RERE: variants seen among roughly 807,000 people sequenced by gnomAD.
RERE encodes the protein arginine-glutamic acid dipeptide repeats protein.
A neutral mutation model predicts 146.1 loss-of-function variants in RERE; 40 were observed. That is an observed-to-expected ratio of 0.27 (90% confidence interval 0.21 to 0.36). The LOEUF (loss-of-function observed/expected upper bound fraction) is 0.36. RERE is among the 10% of genes least tolerant of loss of function. The probability of loss-of-function intolerance (pLI) is 1.00; values close to 1 mark genes in which losing one functional copy is unlikely to be tolerated. For missense variants in RERE, 1,933 were observed against 2,138.7 expected (o/e 0.90, Z 1.90); for synonymous variants, 1,003 against 866.0 (o/e 1.16, Z -2.78).
At chr1:8,609,289 G>C (rs1646761636) in intron 4 of RERE, among the ~76,000 whole-genome samples, 1 of 152,092 alleles carries the variant, frequency 6.6e-6, no homozygotes, top group African/African-American at 2.4e-5. Flanking sequence ...CAGGTGAAAG[G>C]AACAGAGCTG....
chr1:8,508,535 C>A, intron 8 of RERE, 92 bp downstream of exon 8: 1 of 999,208 alleles, frequency 1.0e-6, no homozygotes, highest in Non-Finnish European at 1.6e-6. Context: ...ATAGCAATAA[C>A]CACATTCTAA....
intron 11 of RERE, among the ~76,000 whole-genome samples, chr1:8,459,331 CTTA>C (rs778816302): frequency 7.2e-5 from 11 of 152,132 alleles, no homozygotes; most frequent in Non-Finnish European, 1.3e-4. Flanking sequence ...TTCTATTTCT[CTTA>C]TTTTTCCTAC....
intron 11 of RERE, among the ~76,000 whole-genome samples, chr1:8,458,329 G>A (rs1644479980): frequency 6.6e-6 from 1 of 152,056 alleles, no homozygotes; most frequent in Non-Finnish European, 1.5e-5. Flanking sequence ...AAATGAGATG[G>A]AAACATGGCT....
chr1:8,576,065 G>A (rs1416867947), intron 4 of RERE, among the ~76,000 whole-genome samples: 2 of 152,178 alleles, frequency 1.3e-5, no homozygotes, highest in Non-Finnish European at 1.5e-5. Context: ...CTGAGGATTA[G>A]ACAGTAATAA....
chr1:8,501,519 C>CG (rs1645155362), intron 8 of RERE, among the ~76,000 whole-genome samples: 1 of 106,494 alleles, frequency 9.4e-6, no homozygotes. Context: ...GGGGATCAGC[C>CG]CCCCGTCCGG....
chr1:8,359,733 C>T (rs1480753176), intron 19 of RERE, 31 bp downstream of exon 19: 4 of 1,594,360 alleles, frequency 2.5e-6, no homozygotes, highest in Non-Finnish European at 2.5e-6. Context: ...GACCAGCGCC[C>T]CCCGTCACAC....
chr1:8,596,401 T>C (rs969554578), intron 4 of RERE, among the ~76,000 whole-genome samples: 1 of 152,196 alleles, frequency 6.6e-6, no homozygotes, highest in Non-Finnish European at 1.5e-5. Flanking sequence ...CCATCTCCAA[T>C]CAGTTTCTCA....
chr1:8,622,504 A>C (rs1646928403), intron 3 of RERE, among the ~76,000 whole-genome samples: 1 of 138,120 alleles, frequency 7.2e-6, no homozygotes, highest in Admixed American at 7.3e-5. Context: ...AAAAAAAAAA[A>C]AAAAAAACAC....
At chr1:8,687,086 G>T (rs1206010123) in intron 1 of RERE, among the ~76,000 whole-genome samples, 1 of 152,230 alleles carries the variant, frequency 6.6e-6, no homozygotes, top group East Asian at 1.9e-4. Context: ...AGCTGGCAGA[G>T]TAAGTGGGAT....
intron 2 of RERE, among the ~76,000 whole-genome samples, chr1:8,638,371 A>G (rs913447255): frequency 2.0e-5 from 3 of 152,202 alleles, no homozygotes; most frequent in African/African-American, 7.2e-5. Flanking sequence ...TAGCTTCATA[A>G]ATGAAGTGAA....
chr1:8,366,278 G>A (rs1035149383), intron 12 of RERE, among the ~76,000 whole-genome samples: 2 of 152,248 alleles, frequency 1.3e-5, no homozygotes, highest in African/African-American at 4.8e-5. Context: ...ACACATGGGA[G>A]GTACACATCA....
At chr1:8,480,849 C>T (rs572222985) in intron 10 of RERE, among the ~76,000 whole-genome samples, 8 of 152,248 alleles carry the variant, frequency 5.3e-5, no homozygotes, top group East Asian at 3.9e-4. Context: ...ACTGATCAAA[C>T]GGTAAGTGGA....
chr1:8,437,956 A>G (rs1644193186), intron 11 of RERE, among the ~76,000 whole-genome samples: 1 of 151,536 alleles, frequency 6.6e-6, no homozygotes. Flanking sequence ...AGAAACCTCA[A>G]CAAGTGCTGT....
intron 4 of RERE, among the ~76,000 whole-genome samples, chr1:8,607,534 C>CTTTTTTTT (rs1167501074): frequency 0.017 from 807 of 48,572 alleles, 196 homozygotes; most frequent in East Asian, 0.07. Context: ...ATATATATTT[C>CTTTTTTTT]TTTTTTTTTT....
At chr1:8,576,897 C>G (rs1056975260) in intron 4 of RERE, among the ~76,000 whole-genome samples, 1 of 152,178 alleles carries the variant, frequency 6.6e-6, no homozygotes, top group Non-Finnish European at 1.5e-5. Flanking sequence ...GTGCTGGGCA[C>G]GGTGGCTCAT....
chr1:8,498,732 T>TACACACACACACACAC (rs1553175300), intron 8 of RERE, among the ~76,000 whole-genome samples: 1,151 of 107,750 alleles, frequency 0.011, 12 homozygotes, highest in Middle Eastern at 0.016. Context: ...AATAAATATA[T>TACACACACACACACAC]ACACACACAC....
At chr1:8,428,635 C>G (rs561063466) in intron 11 of RERE, 1 of 151,926 alleles carries the variant, frequency 6.6e-6, no homozygotes, top group African/African-American at 2.4e-5. Flanking sequence ...TTTAATAGAA[C>G]CTGGAAAGCT....
intron 11 of RERE, among the ~76,000 whole-genome samples, chr1:8,444,484 T>C (rs1211237903): frequency 6.6e-6 from 1 of 152,218 alleles, no homozygotes; most frequent in African/African-American, 2.4e-5. Flanking sequence ...GGTAAGACTT[T>C]GGGGGACTAT....
chr1:8,575,559 A>AT (rs1455771268), intron 4 of RERE, among the ~76,000 whole-genome samples: 263 of 65,984 alleles, frequency 4.0e-3, no homozygotes, highest in African/African-American at 0.011. Flanking sequence ...ATATATATAT[A>AT]TATTTTTTTT....
Sources: allele counts gnomAD v4.1 joint callset (sites outside exome capture counted in the v4.1 genomes callset), GRCh38; gene constraint gnomAD v4.1.1; transcripts MANE v1.5; gene names NCBI Gene and HGNC (gene_info 2026-07-23, HGNC 2026-07-21).